The following GALNT13 variants were observed in gnomAD, a reference collection of about 807,000 sequenced individuals.
GALNT13 encodes polypeptide N-acetylgalactosaminyltransferase 13.
A neutral mutation model predicts 64.2 loss-of-function variants in GALNT13; 28 were observed. That is an observed-to-expected ratio of 0.44 (90% CI 0.32 to 0.60). GALNT13 has a LOEUF of 0.60. Among genes scored for constraint, GALNT13 ranks in the 20% least tolerant of loss-of-function variants. GALNT13 has a pLI of 0.05. For synonymous variants in GALNT13, 214 were observed against 224.6 expected (o/e 0.95, Z 0.42); for missense variants, 577 against 669.8 (o/e 0.86, Z 1.53).
chr2:153,730,728 TG>T, the GALNT13 span, among the ~76,000 whole-genome samples: 1,254 of 151,780 alleles, frequency 8.3e-3, 50 homozygotes, highest in East Asian at 0.12. Flanking sequence ...ATTAAAAAGT[TG>T]GCAAAAAACA....
At chr2:154,191,156 A>G (rs1454396080) in intron 4 of GALNT13, among the ~76,000 whole-genome samples, 1 of 152,194 alleles carries the variant, frequency 6.6e-6, no homozygotes, top group Non-Finnish European at 1.5e-5. Flanking sequence ...TGCCTGCTCT[A>G]ATGAGGTGTT....
At chr2:153,639,430 G>A in the GALNT13 span, among the ~76,000 whole-genome samples, 1 of 152,134 alleles carries the variant, frequency 6.6e-6, no homozygotes, top group Admixed American at 6.5e-5. Flanking sequence ...AATATGGGAA[G>A]AGAGGAATTC....
the GALNT13 span, among the ~76,000 whole-genome samples, chr2:153,689,422 T>C: frequency 1.3e-5 from 2 of 152,072 alleles, no homozygotes; most frequent in African/African-American, 4.8e-5. Context: ...TAGACATAAG[T>C]ACTTTGCTGG....
intron 9 of GALNT13, among the ~76,000 whole-genome samples, chr2:154,340,892 G>A (rs1288967652): frequency 1.7e-5 from 1 of 60,110 alleles, no homozygotes; most frequent in Non-Finnish European, 3.9e-5. Context: ...TGTTCTTTGT[G>A]TGTATGAGTG....
At chr2:154,050,758 A>C (rs1699560019) in intron 3 of GALNT13, among the ~76,000 whole-genome samples, 1 of 152,194 alleles carries the variant, frequency 6.6e-6, no homozygotes, top group Non-Finnish European at 1.5e-5. Flanking sequence ...GAAATAGTTT[A>C]ATGCTGAATA....
chr2:153,472,843 C>G, the GALNT13 span, among the ~76,000 whole-genome samples: 13 of 152,254 alleles, frequency 8.5e-5, no homozygotes, highest in African/African-American at 3.1e-4. Context: ...ATGCAAGCCA[C>G]TGTTTGCAAT....
chr2:154,132,388 CT>C (rs778635092), intron 3 of GALNT13, among the ~76,000 whole-genome samples: 11 of 150,944 alleles, frequency 7.3e-5, no homozygotes, highest in Admixed American at 2.0e-4. Flanking sequence ...TTTTATAATC[CT>C]TTTTTTTTAC....
chr2:153,416,501 A>G, the GALNT13 span, among the ~76,000 whole-genome samples: 1 of 152,132 alleles, frequency 6.6e-6, no homozygotes, highest in Non-Finnish European at 1.5e-5. Flanking sequence ...GTTCATTTGC[A>G]TGGTTTTTAT....
At chr2:154,209,524 T>C (rs1038066754) in intron 4 of GALNT13, among the ~76,000 whole-genome samples, 1 of 152,186 alleles carries the variant, frequency 6.6e-6, no homozygotes, top group Non-Finnish European at 1.5e-5. Flanking sequence ...CTTCTAAAGC[T>C]ATAACATGTT....
the GALNT13 span, among the ~76,000 whole-genome samples, chr2:153,308,770 TA>T: frequency 1.3e-5 from 2 of 152,160 alleles, no homozygotes; most frequent in Non-Finnish European, 2.9e-5. Context: ...TAATGTATGA[TA>T]TTTTTGCTCT....
Position 154,424,873 on chromosome 2 carries a change from C to G in GALNT13, c.1396-13719C>G, listed in dbSNP as rs143067078. Among the ~76,000 whole-genome samples the G allele has an allele frequency of 2.6e-5, 4 of 152,314 alleles. No individual in the cohort carries two copies. In the East Asian group the frequency reaches 7.8e-4, roughly 30 times the overall value. On this transcript the variant is annotated intron_variant, in intron 11 of 12. Coordinates refer to ENST00000392825, the MANE Select transcript of GALNT13 (RefSeq NM_052917.4). ...GTGTCTGCCTTTGGGGGAACCCAAA[C>G]TAAATAGACCCTGCTCTTAGTTTGC... is the stretch of plus-strand genomic sequence containing the variant.
intron 3 of GALNT13, among the ~76,000 whole-genome samples, chr2:154,017,257 A>G (rs1189019534): frequency 6.6e-6 from 1 of 152,194 alleles, no homozygotes; most frequent in Non-Finnish European, 1.5e-5. Flanking sequence ...GATATGAAAT[A>G]TAATAATAGA....
intron 8 of GALNT13, among the ~76,000 whole-genome samples, chr2:154,296,893 A>G (rs1032197810): frequency 8.5e-5 from 13 of 152,192 alleles, no homozygotes; most frequent in Non-Finnish European, 1.6e-4. Flanking sequence ...CAATTGGAGA[A>G]GACCTCTCTG....
At chr2:153,467,997 A>G in the GALNT13 span, among the ~76,000 whole-genome samples, 112 of 152,142 alleles carry the variant, frequency 7.4e-4, no homozygotes, top group Middle Eastern at 3.4e-3. Context: ...ATATTCCAGC[A>G]TATAATTTCA....
At chr2:153,638,178 T>C in the GALNT13 span, among the ~76,000 whole-genome samples, 2 of 151,988 alleles carry the variant, frequency 1.3e-5, no homozygotes, top group Admixed American at 6.6e-5. Flanking sequence ...TCAGAGGAGA[T>C]CAGAGATGTA....
At chr2:153,180,723 T>G in the GALNT13 span, among the ~76,000 whole-genome samples, 1 of 152,088 alleles carries the variant, frequency 6.6e-6, no homozygotes, top group African/African-American at 2.4e-5. Flanking sequence ...TCAACCTTTC[T>G]GTGTCTTCAT....
intron 9 of GALNT13, among the ~76,000 whole-genome samples, chr2:154,313,494 C>T (rs372343425): frequency 1.2e-3 from 188 of 151,448 alleles, no homozygotes; most frequent in East Asian, 9.0e-3. Flanking sequence ...CTCACTCTGA[C>T]GCCAGGCTGG....
At chr2:153,913,299 C>T (rs1422851296) in intron 2 of GALNT13, among the ~76,000 whole-genome samples, 1 of 152,086 alleles carries the variant, frequency 6.6e-6, no homozygotes, top group Non-Finnish European at 1.5e-5. Flanking sequence ...GGGTGGGGGG[C>T]AGCATGCATC....
At chr2:153,380,345 A>G in the GALNT13 span, among the ~76,000 whole-genome samples, 1 of 152,152 alleles carries the variant, frequency 6.6e-6, no homozygotes, top group East Asian at 1.9e-4. Flanking sequence ...ATGGTGATGC[A>G]TGCTTGTAGT....
Sources: allele counts gnomAD v4.1 joint callset (sites outside exome capture counted in the v4.1 genomes callset), GRCh38; gene constraint gnomAD v4.1.1; transcripts MANE v1.5; gene names NCBI Gene and HGNC (gene_info 2026-07-23, HGNC 2026-07-21).